ADAMTS14: variants seen among roughly 807,000 people sequenced by gnomAD.
ADAMTS14 encodes ADAM metallopeptidase with thrombospondin type 1 motif 14.
ADAMTS14 carries 100 observed loss-of-function variants against 128.6 expected under a neutral mutation model. That is an observed-to-expected ratio of 0.78 (90% CI 0.66 to 0.92). The LOEUF (loss-of-function observed/expected upper bound fraction) is 0.92. Among genes scored for constraint, ADAMTS14 ranks in the 40% least tolerant of loss-of-function variants. ADAMTS14 has a pLI of 0.00. For missense variants in ADAMTS14, 1,562 were observed against 1,658.6 expected, an observed-to-expected ratio of 0.94 and a Z score of 1.01; for synonymous variants, 665 against 653.8, an observed-to-expected ratio of 1.02 and a Z score of -0.26.
chr10:70,712,726 C>T (rs905171786), intron 4 of ADAMTS14, among the ~76,000 whole-genome samples: 125 of 152,132 alleles, frequency 8.2e-4, no homozygotes, highest in African/African-American at 2.8e-3. Flanking sequence ...CATCCGATTC[C>T]GATAAGGGGG....
chr10:70,674,625 G>T lies in ADAMTS14; in HGVS notation c.152G>T (p.Arg51Leu). 6.2e-7 allele frequency: 1 copy of T among 1,613,770 alleles called. No individual in the cohort carries two copies. The highest frequency in any genetic ancestry group is 8.5e-7 in the Non-Finnish European group (1 of 1,180,030). ...CCCTGCAGCACAGACTTTCGGGGAC[G>T]CTTCCTCTCCCACGTGGTGTCTGGC... is the stretch of plus-strand genomic sequence containing the variant. ...TVPCSTDFRGRFLSHVVSGPA... is the reference protein window; with the variant it reads ...TVPCSTDFRGLFLSHVVSGPA... Residue 51 changes from arginine (R) to leucine (L), a missense_variant, in exon 2 of 22, where the codon CGC becomes CTC. By Grantham distance (102) the Arg-to-Leu change is moderately radical. Transcript: ENST00000373207.
chr10:70,728,918 G>A lies in ADAMTS14; in HGVS notation c.871-376G>A, dbSNP rs867522126. On this transcript the variant is annotated intron_variant, in intron 4 of 21. Coordinates refer to ENST00000373207, the MANE Select transcript of ADAMTS14 (RefSeq NM_080722.4). The stretch of plus-strand genomic sequence containing the variant: ...CTGGAACGGTACACAGGGATGTTAG[G>A]GCGAGTGGCCTGTGGTTCCCTGAGC... Among the ~76,000 whole-genome samples the A allele has an allele frequency of 2.6e-5, 4 of 152,198 alleles. No homozygotes were observed. The South Asian group carries it at 6.2e-4, about 24-fold the overall frequency.
chr10:70,688,880 G>C (rs529988184), intron 2 of ADAMTS14, among the ~76,000 whole-genome samples: 1 of 7,906 alleles, frequency 1.3e-4, no homozygotes, highest in Non-Finnish European at 3.4e-4. Context: ...AGGGGGAGGG[G>C]GAGGGGGAGG....
intron 2 of ADAMTS14, among the ~76,000 whole-genome samples, chr10:70,698,397 T>C (rs559649267): frequency 5.6e-4 from 86 of 152,328 alleles, no homozygotes; most frequent in African/African-American, 2.0e-3. Flanking sequence ...CTATGCTGTG[T>C]GGTGCCTGGT....
chr10:70,672,743 GC>G lies in ADAMTS14; in HGVS notation c.-57del. On this transcript the variant is annotated 5_prime_UTR_variant, in exon 1 of 22. Transcript: ENST00000373207. The stretch of plus-strand genomic sequence containing the variant: ...GCCCGGGGCGCACCCTAGCCTCGCC[GC>G]CCTCAGCCTGGGACTTGGGGATCGG... 1 of 1,455,094 alleles carries G rather than the reference GC, an allele frequency of 6.9e-7. No homozygotes were observed. Among genetic ancestry groups the G allele is most frequent in the Non-Finnish European group, 9.0e-7 (1 of 1,109,308 alleles). 90.1% of individuals were successfully genotyped at this position (1,455,094 alleles called of 1,614,324 possible).
intron 2 of ADAMTS14, among the ~76,000 whole-genome samples, chr10:70,692,396 G>A (rs56217645): frequency 0.029 from 4,416 of 152,320 alleles, 88 homozygotes; most frequent in Non-Finnish European, 0.046. Context: ...GGCTGAGAGA[G>A]GGCTGGTGCC....
Position 70,757,203 on chromosome 10 carries a change from T to G in ADAMTS14, c.2938-759T>G, listed in dbSNP as rs12777498. ...CTCCACATTCCCTGTTTGTCAGAGT[T>G]AGAGTGGGTCAGGTCCAGGGGACGA... On this transcript the variant is annotated intron_variant, in intron 19 of 21. Transcript: ENST00000373207. Among the ~76,000 whole-genome samples, 356 of 151,876 alleles carry G rather than the reference T, an allele frequency of 2.3e-3. 2 individuals carry two copies. Among genetic ancestry groups the G allele is most frequent in the African/African-American group, 8.3e-3 (343 of 41,352 alleles).
chr10:70,683,861 G>T (rs1033983502), intron 2 of ADAMTS14, among the ~76,000 whole-genome samples: 1 of 152,172 alleles, frequency 6.6e-6, no homozygotes, highest in Non-Finnish European at 1.5e-5. Context: ...CCTCCAGTAG[G>T]CCGTCTCAGG....
rs1461429386 is a variant in ADAMTS14 at position 70,672,636 on chromosome 10, G to T, written c.-167G>T. Among the ~76,000 whole-genome samples, 1 of 151,734 alleles carries T rather than the reference G, an allele frequency of 6.6e-6. No individual in the cohort carries two copies. Among genetic ancestry groups the T allele is most frequent in the African/African-American group, 2.4e-5 (1 of 41,390 alleles). On this transcript the variant is annotated 5_prime_UTR_variant, in exon 1 of 22. Transcript: ENST00000373207. ...GTCCAGGCGGCGGCGCCGCGCAGGG[G>T]ACCCGGAGCAGGCGGGAGGGAAGCA... is the stretch of plus-strand genomic sequence containing the variant.
chr10:70,730,099 C>T lies in ADAMTS14; in HGVS notation c.955-3C>T, dbSNP rs1304141945. On this transcript the variant is annotated splice_polypyrimidine_tract_variant and splice_region_variant and intron_variant, in intron 5 of 21. Transcript: ENST00000373207. ...GCTGTTGGTGCTCTCCCGGCCCCTG[C>T]AGTCCCTGAGCCTGATCGAGCGCGG... 1 of 1,591,040 alleles carries T rather than the reference C, an allele frequency of 6.3e-7. No individual in the cohort carries two copies. Among genetic ancestry groups the T allele is most frequent in the Admixed American group, 1.7e-5 (1 of 59,602 alleles).
intron 4 of ADAMTS14, among the ~76,000 whole-genome samples, chr10:70,715,440 A>G (rs1465709775): frequency 6.6e-6 from 1 of 152,072 alleles, no homozygotes; most frequent in Non-Finnish European, 1.5e-5. Flanking sequence ...GTGTGCCCTC[A>G]GCGAGGCCCC....
intron 2 of ADAMTS14, among the ~76,000 whole-genome samples, chr10:70,695,707 G>A (rs967110035): frequency 6.6e-6 from 1 of 152,356 alleles, no homozygotes; most frequent in South Asian, 2.1e-4. Context: ...CAAACCCAGA[G>A]TTCTGTTCCA....
intron 2 of ADAMTS14, among the ~76,000 whole-genome samples, chr10:70,694,257 C>T (rs770340212): frequency 6.6e-6 from 1 of 152,218 alleles, no homozygotes; most frequent in African/African-American, 2.4e-5. Context: ...GAGCGTTTGT[C>T]GTCTGTGTGA....
chr10:70,743,495 G>A, intron 12 of ADAMTS14, 53 bp from the exon 13 acceptor site: 1 of 1,591,950 alleles, frequency 6.3e-7, no homozygotes, highest in Non-Finnish European at 8.5e-7. Flanking sequence ...ATCTGTCCTG[G>A]GCCACTTTCT....
rs918701359 is a variant in ADAMTS14 at position 70,735,212 on chromosome 10, C to G, written c.1396C>G (p.Pro466Ala). 3 of 1,613,634 alleles carry G rather than the reference C, an allele frequency of 1.9e-6. No individual in the cohort carries two copies. In the East Asian group the frequency reaches 6.7e-5, roughly 36 times the overall value. The change falls in exon 9 of 22, where the codon CCC becomes GCC. Residue 466 changes from proline (P) to alanine (A), a missense_variant. Pro to Ala is a conservative substitution (Grantham distance 27). Transcript: ENST00000373207. ...CGATGACCCCTTTGATCCTGCCTGG[C>G]CCCAGCCCCCAGAGCTGCCTGGGAT... ...LLDDPFDPAW[P>A]QPPELPGINY...
intron 2 of ADAMTS14, among the ~76,000 whole-genome samples, chr10:70,697,884 T>C (rs1470404318): frequency 6.6e-6 from 1 of 152,198 alleles, no homozygotes; most frequent in Non-Finnish European, 1.5e-5. Context: ...CAAAACGATG[T>C]CATGTTGGAG....
chr10:70,720,732 G>A (rs954775538), intron 4 of ADAMTS14, among the ~76,000 whole-genome samples: 2 of 152,230 alleles, frequency 1.3e-5, no homozygotes, highest in African/African-American at 2.4e-5. Context: ...CATATAATAC[G>A]GGTACCCACA....
At chr10:70,741,278 G>A in intron 12 of ADAMTS14, 116 bp downstream of exon 12, 1 of 1,308,882 alleles carries the variant, frequency 7.6e-7, no homozygotes, top group Non-Finnish European at 1.0e-6. Flanking sequence ...GGGACAGTGG[G>A]GGTGCCAAAA....
intron 2 of ADAMTS14, among the ~76,000 whole-genome samples, chr10:70,677,744 G>A (rs887498422): frequency 1.3e-5 from 2 of 152,136 alleles, no homozygotes; most frequent in African/African-American, 4.8e-5. Flanking sequence ...TGGGGCCGCC[G>A]GCACAGAGGT....
Sources: gnomAD v4.1 joint callset for allele counts (sites outside exome capture counted in the v4.1 genomes callset) on GRCh38, gnomAD v4.1.1 for gene constraint, MANE v1.5 for transcripts, NCBI Gene and HGNC (gene_info 2026-07-23, HGNC 2026-07-21) for gene names.